Variants in RALGPS2 observed in about 807,000 individuals in gnomAD.
RALGPS2 encodes the protein Ral GEF with PH domain and SH3 binding motif 2, also known as ras-specific guanine nucleotide-releasing factor RalGPS2.
RALGPS2 carries 43 observed loss-of-function variants against 86.8 expected under a neutral mutation model. The ratio of observed to expected loss-of-function variants is 0.50; its 90% confidence interval spans 0.39 to 0.64. The LOEUF (loss-of-function observed/expected upper bound fraction) is 0.64, where lower values mean the gene tolerates loss of function less well. Among genes scored for constraint, RALGPS2 ranks in the 30% least tolerant of loss-of-function variants. RALGPS2 has a pLI of 0.00. For missense variants in RALGPS2, 536 were observed against 694.6 expected (o/e 0.77, Z 2.57); for synonymous variants, 243 against 231.3 (o/e 1.05, Z -0.46).
chr1:178,766,244 G>A (rs897153155), intron 1 of RALGPS2, among the ~76,000 whole-genome samples: 8 of 152,114 alleles, frequency 5.3e-5, no homozygotes, highest in Non-Finnish European at 7.4e-5. Context: ...GGCTTCAGCC[G>A]GTTCTTCCAT....
chr1:178,826,609 A>T (rs112024961), intron 7 of RALGPS2, among the ~76,000 whole-genome samples: 1 of 152,172 alleles, frequency 6.6e-6, no homozygotes, highest in Non-Finnish European at 1.5e-5. Context: ...TTTTGAGAAG[A>T]TGAAAAACTT....
chr1:178,765,554 GT>G (rs1652462054), intron 1 of RALGPS2, among the ~76,000 whole-genome samples: 1 of 152,156 alleles, frequency 6.6e-6, no homozygotes, highest in Non-Finnish European at 1.5e-5. Flanking sequence ...TGTTAATGAA[GT>G]TTCGGGCACG....
intron 2 of RALGPS2, among the ~76,000 whole-genome samples, chr1:178,779,312 C>T (rs1480079926): frequency 6.6e-6 from 1 of 152,036 alleles, no homozygotes; most frequent in African/African-American, 2.4e-5. Flanking sequence ...GGGAACTTGC[C>T]TGCTTTCCTT....
intron 8 of RALGPS2, among the ~76,000 whole-genome samples, chr1:178,858,590 A>G (rs1377851383): frequency 6.6e-6 from 1 of 152,184 alleles, no homozygotes; most frequent in Non-Finnish European, 1.5e-5. Flanking sequence ...AATTCTGTAC[A>G]TTGAATTTGA....
chr1:178,732,823 G>A (rs779015528), intron 1 of RALGPS2, among the ~76,000 whole-genome samples: 1 of 151,568 alleles, frequency 6.6e-6, no homozygotes, highest in Non-Finnish European at 1.5e-5. Flanking sequence ...TCTGTTAATA[G>A]GATGTATTAC....
intron 8 of RALGPS2, among the ~76,000 whole-genome samples, chr1:178,868,587 G>A (rs919135767): frequency 2.6e-5 from 4 of 151,854 alleles, no homozygotes; most frequent in African/African-American, 4.8e-5. Context: ...AGCTAAAAGC[G>A]CATCATCCAA....
rs138280325 is a variant in RALGPS2, at chr1:178,739,822, A to G, written c.-84+14403A>G. On this transcript the variant is annotated intron_variant, in intron 1 of 19. Coordinates refer to ENST00000367635, the MANE Select transcript of RALGPS2 (RefSeq NM_152663.5). ...GGAACAGGCAGTACTAATTGAAGCC[A>G]TCTGTGCTGCACTTGTTTATCTAAA... Among the ~76,000 whole-genome samples the G allele has an allele frequency of 2.3e-3, 350 of 152,348 alleles. 4 individuals are homozygous for G. In the East Asian group the frequency reaches 0.038, roughly 16 times the overall value.
chr1:178,737,364 G>A (rs1433727535), intron 1 of RALGPS2, among the ~76,000 whole-genome samples: 1 of 152,202 alleles, frequency 6.6e-6, no homozygotes, highest in Non-Finnish European at 1.5e-5. Flanking sequence ...CTCTGCCTCA[G>A]CCTCGCGAGT....
intron 16 of RALGPS2, among the ~76,000 whole-genome samples, chr1:178,896,137 T>G (rs1659928803): frequency 6.6e-6 from 1 of 152,040 alleles, no homozygotes. Flanking sequence ...CAGATGCTGT[T>G]AAGAGGCTGG....
intron 17 of RALGPS2, 99 bp from the exon 18 acceptor site, chr1:178,902,007 T>A: frequency 1.2e-6 from 1 of 835,628 alleles, no homozygotes; most frequent in Non-Finnish European, 1.9e-6. Context: ...AATCTCATCT[T>A]TCATTAGGAG....
intron 8 of RALGPS2, chr1:178,851,027 T>TGTA: frequency 8.9e-7 from 1 of 1,121,202 alleles, no homozygotes; most frequent in East Asian, 2.6e-5. Flanking sequence ...AAACTTTCTG[T>TGTA]GTAGAAATAA....
At chr1:178,782,820 T>C (rs1653460137) in intron 2 of RALGPS2, among the ~76,000 whole-genome samples, 1 of 151,998 alleles carries the variant, frequency 6.6e-6, no homozygotes, top group Non-Finnish European at 1.5e-5. Flanking sequence ...AATTGAAGAC[T>C]CAGACACCTA....
At chr1:178,763,603 C>T (rs560236332) in intron 1 of RALGPS2, among the ~76,000 whole-genome samples, 8 of 152,188 alleles carry the variant, frequency 5.3e-5, no homozygotes, top group South Asian at 2.1e-4. Flanking sequence ...ATTCTTTTTG[C>T]GGCTATGGTG....
chr1:178,749,944 AACAC>A (rs147164836), intron 1 of RALGPS2, among the ~76,000 whole-genome samples: 1 of 151,554 alleles, frequency 6.6e-6, no homozygotes, highest in Non-Finnish European at 1.5e-5. Flanking sequence ...AAACAACAAC[AACAC>A]ACACACACAC....
intron 11 of RALGPS2, among the ~76,000 whole-genome samples, chr1:178,884,496 A>G (rs1659393039): frequency 6.6e-6 from 1 of 152,204 alleles, no homozygotes; most frequent in Admixed American, 6.5e-5. Flanking sequence ...ACAAACCATG[A>G]CAATGTCTAT....
At chr1:178,821,489 G>T (rs1655501656) in intron 6 of RALGPS2, 123 bp from the exon 7 acceptor site, 3 of 696,960 alleles carry the variant, frequency 4.3e-6, no homozygotes, top group Non-Finnish European at 7.4e-6. Flanking sequence ...ACAGTTCTCA[G>T]TAATGAAGGT....
At chr1:178,905,615 A>G (rs1000978012) in intron 18 of RALGPS2, among the ~76,000 whole-genome samples, 1 of 152,360 alleles carries the variant, frequency 6.6e-6, no homozygotes, top group East Asian at 1.9e-4. Context: ...CTCTTGAGCC[A>G]TTGAATGCAG....
chr1:178,905,133 T>C (rs2102409945), intron 18 of RALGPS2, among the ~76,000 whole-genome samples: 1 of 152,290 alleles, frequency 6.6e-6, no homozygotes, highest in African/African-American at 2.4e-5. Context: ...ATAAAAGGCG[T>C]TGAATTCTTG....
intron 8 of RALGPS2, among the ~76,000 whole-genome samples, chr1:178,851,953 T>C (rs1294505443): frequency 6.6e-6 from 1 of 152,142 alleles, no homozygotes; most frequent in Non-Finnish European, 1.5e-5. Context: ...GTCAAAAGCA[T>C]ATGAAAACTA....
Sources: gnomAD v4.1 joint callset for allele counts (sites outside exome capture counted in the v4.1 genomes callset) on GRCh38, gnomAD v4.1.1 for gene constraint, MANE v1.5 for transcripts, NCBI Gene and HGNC (gene_info 2026-07-23, HGNC 2026-07-21) for gene names.